Variants in PHF20L1 observed in about 807,000 individuals in gnomAD.
PHF20L1 encodes PHD finger protein 20-like protein 1.
PHF20L1 carries 44 observed loss-of-function variants against 125.5 expected under a neutral mutation model. The observed-to-expected ratio is 0.35, with a 90% CI of 0.28 to 0.45. The LOEUF (loss-of-function observed/expected upper bound fraction) is 0.45, where lower values mean the gene tolerates loss of function less well. PHF20L1 is among the 20% of genes least tolerant of loss of function. The pLI is 1.00. For synonymous variants in PHF20L1, 380 were observed against 403.1 expected (o/e 0.94, Z 0.69); for missense variants, 1,012 against 1,217.2 (o/e 0.83, Z 2.51).
At chr8:132,782,471 A>G (rs950826426) in intron 2 of PHF20L1, among the ~76,000 whole-genome samples, 3 of 152,220 alleles carry the variant, frequency 2.0e-5, no homozygotes, top group African/African-American at 7.2e-5. Flanking sequence ...ATCTTTGGGG[A>G]TCTGAAGAGT....
chr8:132,828,003 T>G (rs560694425), intron 14 of PHF20L1, among the ~76,000 whole-genome samples: 1 of 152,104 alleles, frequency 6.6e-6, no homozygotes, highest in East Asian at 1.9e-4. Flanking sequence ...GAAATGGCAC[T>G]TTTCCCCAGA....
chr8:132,804,572 G>T (rs1363242818), intron 7 of PHF20L1, 43 bp from the exon 8 acceptor site: 2 of 1,500,702 alleles, frequency 1.3e-6, no homozygotes, highest in African/African-American at 2.8e-5. Context: ...GTTTTAATTT[G>T]GATTCTAGAT....
intron 20 of PHF20L1, among the ~76,000 whole-genome samples, chr8:132,845,560 AT>A (rs1051655674): frequency 6.6e-6 from 1 of 151,998 alleles, no homozygotes; most frequent in African/African-American, 2.4e-5. Context: ...AAAGGGGAAA[AT>A]TATCTTAAAT....
intron 2 of PHF20L1, among the ~76,000 whole-genome samples, chr8:132,791,254 CTTTTTT>C (rs1184118420): frequency 1.5e-4 from 18 of 117,090 alleles, no homozygotes; most frequent in African/African-American, 5.9e-4. Context: ...GAGTTATTTC[CTTTTTT>C]TTTTTTTTTT....
chr8:132,798,067 A>G (rs1301443834), intron 4 of PHF20L1, among the ~76,000 whole-genome samples: 1 of 152,054 alleles, frequency 6.6e-6, no homozygotes, highest in Non-Finnish European at 1.5e-5. Flanking sequence ...TAATAGACAA[A>G]CAAAATCTTG....
At chr8:132,796,572 T>C (rs1323042813) in intron 4 of PHF20L1, among the ~76,000 whole-genome samples, 3 of 152,164 alleles carry the variant, frequency 2.0e-5, no homozygotes, top group Admixed American at 6.6e-5. Context: ...ATTGAAATCA[T>C]GAATATGGCT....
chr8:132,800,156 T>C (rs753305753), intron 6 of PHF20L1, among the ~76,000 whole-genome samples: 2 of 151,614 alleles, frequency 1.3e-5, no homozygotes, highest in African/African-American at 2.4e-5. Flanking sequence ...AGTGGGACAC[T>C]GAGCCAATTT....
chr8:132,784,188 G>A (rs1239798556), intron 2 of PHF20L1, among the ~76,000 whole-genome samples: 1 of 152,082 alleles, frequency 6.6e-6, no homozygotes, highest in Non-Finnish European at 1.5e-5. Context: ...CTGGTTTCGG[G>A]TTGTTCTTGC....
chr8:132,804,860 A>G (rs755050005), intron 8 of PHF20L1, 120 bp downstream of exon 8: 2 of 828,160 alleles, frequency 2.4e-6, no homozygotes, highest in Non-Finnish European at 3.8e-6. Context: ...AATAACAAAG[A>G]CAATTACTTT....
chr8:132,797,559 CAG>C (rs1236979212), intron 4 of PHF20L1, among the ~76,000 whole-genome samples: 1 of 152,018 alleles, frequency 6.6e-6, no homozygotes. Context: ...AGAAGGAAGA[CAG>C]AAAGTTGCAG....
In PHF20L1 at chr8:132,817,553, A is replaced by T. The variant is rs1316500123; in HGVS notation, c.1579+8A>T. ...GAGCTCCAGCAGCAGCAGGTAAAAGAAAAAAAATAAAGGCTCCTATAAGTA... is the reference window on the plus strand; with the variant it reads ...GAGCTCCAGCAGCAGCAGGTAAAAGTAAAAAAATAAAGGCTCCTATAAGTA... On this transcript the variant is annotated splice_region_variant and intron_variant, in intron 12 of 20. Transcript: ENST00000395386. 6.3e-7 allele frequency: 1 copy of T among 1,587,262 alleles called. No homozygotes were observed. Among genetic ancestry groups the T allele is most frequent in the African/African-American group, 1.4e-5 (1 of 73,622 alleles).
chr8:132,820,655 T>A (rs79950637), intron 12 of PHF20L1, among the ~76,000 whole-genome samples: 3,066 of 152,052 alleles, frequency 0.02, 107 homozygotes, highest in African/African-American at 0.071. Flanking sequence ...TTCATCTATA[T>A]GATGAGATTA....
chr8:132,822,202 A>G (rs1835681432), intron 12 of PHF20L1, among the ~76,000 whole-genome samples: 1 of 151,626 alleles, frequency 6.6e-6, no homozygotes, highest in South Asian at 2.1e-4. Flanking sequence ...TCTCGAACTG[A>G]CTCTCTGGAC....
intron 2 of PHF20L1, among the ~76,000 whole-genome samples, chr8:132,793,829 A>T (rs1402183259): frequency 1.3e-5 from 2 of 152,212 alleles, no homozygotes; most frequent in African/African-American, 4.8e-5. Flanking sequence ...AGCTTATGCC[A>T]TATAAAGACA....
intron 10 of PHF20L1, 56 bp downstream of exon 10, chr8:132,814,945 G>T: frequency 7.8e-7 from 1 of 1,283,922 alleles, no homozygotes; most frequent in Non-Finnish European, 1.1e-6. Context: ...ATTAAAAACA[G>T]TTTGATTGTA....
At position 132,816,928 on chromosome 8, in the gene PHF20L1, T is replaced by C. The variant is rs753606881; in HGVS notation, c.1224T>C (p.His408=). Residue 408 remains histidine (H), a synonymous_variant, in exon 11 of 21, where the codon CAT becomes CAC. Transcript: ENST00000395386. ...TGAATCCCCCTAGACCTTTCAAGCATAGTGAGCGGAGAAGAAGATCTCAGC... is the reference window on the plus strand; with the variant it reads ...TGAATCCCCCTAGACCTTTCAAGCACAGTGAGCGGAGAAGAAGATCTCAGC... ...QPVNPPRPFK[H]SERRRRSQRL... 2.0e-4 allele frequency: 328 copies of C among 1,612,210 alleles called. No individual in the cohort carries two copies. The highest frequency in any genetic ancestry group is 5.0e-5 in the Non-Finnish European group (59 of 1,178,860).
chr8:132,811,490 C>CT, intron 9 of PHF20L1: 1 of 993,196 alleles, frequency 1.0e-6, no homozygotes, highest in Non-Finnish European at 1.2e-6. Context: ...AATAAAGCTT[C>CT]TTTTGTAAGA....
chr8:132,815,059 G>A (rs1367286332), intron 10 of PHF20L1, 170 bp downstream of exon 10: 1 of 517,566 alleles, frequency 1.9e-6, no homozygotes, highest in Non-Finnish European at 3.4e-6. Context: ...ATTTCTTACT[G>A]ATTTATTGCT....
At chr8:132,790,794 C>G (rs1831599794) in intron 2 of PHF20L1, among the ~76,000 whole-genome samples, 1 of 152,160 alleles carries the variant, frequency 6.6e-6, no homozygotes, top group South Asian at 2.1e-4. Flanking sequence ...CTGATTAGGT[C>G]TATATTCTAT....
Sources: gnomAD v4.1 joint callset for allele counts (sites outside exome capture counted in the v4.1 genomes callset) on GRCh38, gnomAD v4.1.1 for gene constraint, MANE v1.5 for transcripts, NCBI Gene and HGNC (gene_info 2026-07-23, HGNC 2026-07-21) for gene names.